CBL: variants seen among roughly 807,000 people sequenced by gnomAD.
CBL encodes the protein E3 ubiquitin-protein ligase CBL.
A neutral mutation model predicts 96.9 loss-of-function variants in CBL; 45 were observed. That is an observed-to-expected ratio of 0.46 (90% CI 0.37 to 0.60). The LOEUF (loss-of-function observed/expected upper bound fraction) is 0.60. Among genes scored for constraint, CBL ranks in the 20% least tolerant of loss-of-function variants. CBL has a pLI of 0.00. For synonymous variants in CBL, 420 were observed against 426.8 expected (o/e 0.98, Z 0.20); for missense variants, 1,024 against 1,143.5 (o/e 0.90, Z 1.51).
At chr11:119,234,088 C>T (rs1469473355) in intron 2 of CBL, among the ~76,000 whole-genome samples, 1 of 152,122 alleles carries the variant, frequency 6.6e-6, no homozygotes, top group Non-Finnish European at 1.5e-5. Context: ...CTCACCGCAA[C>T]CTCCGCCTCT....
intron 1 of CBL, among the ~76,000 whole-genome samples, chr11:119,224,440 C>G (rs1439499202): frequency 6.6e-6 from 1 of 151,992 alleles, no homozygotes; most frequent in Admixed American, 6.6e-5. Flanking sequence ...CTTTTGACTC[C>G]CTGCCAAAAG....
intron 12 of CBL, 136 bp downstream of exon 12, chr11:119,288,082 TTA>T: frequency 1.5e-6 from 1 of 681,394 alleles, no homozygotes; most frequent in East Asian, 2.7e-5. Flanking sequence ...TGATTATATT[TTA>T]TGTTTTAGAG....
Position 119,303,958 on chromosome 11 carries a change from C to T in CBL, c.*4177C>T, listed in dbSNP as rs886047792. On this transcript the variant is annotated 3_prime_UTR_variant, in exon 16 of 16. Coordinates refer to ENST00000264033, the MANE Select transcript of CBL (RefSeq NM_005188.4). ...ATTGGTTTTCCAGTCTTTCAACAAC[C>T]GTTGTGGCTAACTATGTTTTAGAAG... 22 of 233,516 alleles carry T rather than the reference C, an allele frequency of 9.4e-5. No homozygotes were observed. The highest frequency in any genetic ancestry group is 2.6e-4 in the African/African-American group (12 of 45,308). The allele number at this position is 233,516 out of a possible 1,614,324, so 14.5% of individuals were successfully genotyped here. A position where few individuals can be genotyped will look rare whatever the true frequency, so the allele number is the denominator to read the frequency against.
At chr11:119,227,374 AT>A (rs1247508774) in intron 1 of CBL, among the ~76,000 whole-genome samples, 1 of 152,144 alleles carries the variant, frequency 6.6e-6, no homozygotes, top group African/African-American at 2.4e-5. Flanking sequence ...TCCATTGTAA[AT>A]TGAGGAACAT....
chr11:119,227,484 T>C (rs957959265), intron 1 of CBL, among the ~76,000 whole-genome samples: 5 of 152,184 alleles, frequency 3.3e-5, no homozygotes, highest in Non-Finnish European at 5.9e-5. Flanking sequence ...AAAAGCCTTA[T>C]CTACTAGTCA....
rs1950101917 is a variant in CBL at position 119,301,552 on chromosome 11, G to C, written c.*1771G>C. On this transcript the variant is annotated 3_prime_UTR_variant, in exon 16 of 16. Coordinates refer to ENST00000264033, the MANE Select transcript of CBL (RefSeq NM_005188.4). ...TTTCTTTCCAGTCTAATCATCTTTG[G>C]AACTAAAACTTGTTCTAACTCGTCT... The C allele has an allele frequency of 4.3e-6, 1 of 233,110 alleles. No individual in the cohort carries two copies. The highest frequency in any genetic ancestry group is 2.2e-5 in the African/African-American group (1 of 45,316). 14.4% of individuals were successfully genotyped at this position (233,110 alleles called of 1,614,324 possible).
intron 9 of CBL, 66 bp from the exon 10 acceptor site, chr11:119,284,903 T>C (rs1949968369): frequency 6.3e-7 from 1 of 1,590,488 alleles, no homozygotes. Flanking sequence ...TCCACAGCTT[T>C]AGGAGAGTTG....
chr11:119,289,867 T>C (rs1372129983), intron 12 of CBL, among the ~76,000 whole-genome samples: 3 of 150,820 alleles, frequency 2.0e-5, no homozygotes, highest in African/African-American at 7.3e-5. Context: ...CTCAGTCTCC[T>C]GAGTAACTGG....
At chr11:119,274,059 T>C in intron 4 of CBL, 35 bp downstream of exon 4, 3 of 1,519,228 alleles carry the variant, frequency 2.0e-6, no homozygotes, top group Non-Finnish European at 1.8e-6. Context: ...AACTGGTTAC[T>C]GCTACTTCGG....
intron 6 of CBL, among the ~76,000 whole-genome samples, chr11:119,277,237 T>TCACACA (rs1478200397): frequency 1.7e-5 from 1 of 57,882 alleles, no homozygotes; most frequent in African/African-American, 1.0e-4. Flanking sequence ...TAAGAATCTG[T>TCACACA]CGCGCACACA....
chr11:119,261,121 C>T (rs1949750731), intron 2 of CBL, among the ~76,000 whole-genome samples: 3 of 151,620 alleles, frequency 2.0e-5, no homozygotes, highest in Admixed American at 2.0e-4. Flanking sequence ...GCCATGTTGG[C>T]CAGGCTGGTC....
chr11:119,219,334 T>C (rs1312973295), intron 1 of CBL, among the ~76,000 whole-genome samples: 2 of 149,410 alleles, frequency 1.3e-5, no homozygotes, highest in Non-Finnish European at 3.0e-5. Context: ...GCCGAGATAG[T>C]GTCATTGCAC....
At chr11:119,257,364 C>T (rs933959106) in intron 2 of CBL, among the ~76,000 whole-genome samples, 10 of 151,956 alleles carry the variant, frequency 6.6e-5, no homozygotes, top group Non-Finnish European at 1.5e-4. Context: ...TGATTAGTGA[C>T]GTTGATTATT....
At chr11:119,276,783 AAGG>A (rs1417910030) in intron 6 of CBL, among the ~76,000 whole-genome samples, 1 of 152,244 alleles carries the variant, frequency 6.6e-6, no homozygotes, top group Admixed American at 6.5e-5. Flanking sequence ...TTGGGACTGA[AAGG>A]AGTGCTGCCC....
rs759082853 is a variant in CBL, at chr11:119,273,888, G to C, written c.611G>C (p.Ser204Thr). ...FGEKTIVPWK[S>T]FRQALHEVHP... ...CCCAGGACAATAGTCCCTTGGAAGA[G>C]CTTTCGACAGGCTCTACATGAAGTG... The change falls in exon 4 of 16, where the codon AGC becomes ACC. Residue 204 changes from serine to threonine, a missense_variant. Ser to Thr is a moderately conservative substitution (Grantham distance 58). This residue lies in a region of CBL where 192 missense variants were observed against 321.8 expected (regional missense o/e 0.60). Transcript: ENST00000264033. The C allele has an allele frequency of 1.9e-6, 3 of 1,614,144 alleles. No homozygotes were observed. In the Admixed American group the frequency reaches 5.0e-5, roughly 27 times the overall value.
At position 119,300,878 on chromosome 11, in the gene CBL, A is replaced by G. The variant is rs1231742509; in HGVS notation, c.*1097A>G. 1 of 289,788 alleles carries G rather than the reference A, an allele frequency of 3.5e-6. No homozygotes were observed. Among genetic ancestry groups the G allele is most frequent in the Non-Finnish European group, 6.4e-6 (1 of 156,138 alleles). The allele number at this position is 289,788 out of a possible 1,614,324, so 18.0% of individuals were successfully genotyped here. A position where few individuals can be genotyped will look rare whatever the true frequency, so the allele number is the denominator to read the frequency against. On this transcript the variant is annotated 3_prime_UTR_variant, in exon 16 of 16. Coordinates refer to ENST00000264033, the MANE Select transcript of CBL (RefSeq NM_005188.4). The stretch of plus-strand genomic sequence containing the variant: ...GAAGCTTCGTTCACATGCTATTTAA[A>G]TGCACAAAATAGACAGTAAGGATTT...
At chr11:119,234,909 T>G (rs1296159128) in intron 2 of CBL, among the ~76,000 whole-genome samples, 1 of 152,236 alleles carries the variant, frequency 6.6e-6, no homozygotes, top group Non-Finnish European at 1.5e-5. Context: ...TCAAGAAAAG[T>G]CTTTTAACAC....
At chr11:119,235,466 G>A (rs977929271) in intron 2 of CBL, among the ~76,000 whole-genome samples, 1 of 152,118 alleles carries the variant, frequency 6.6e-6, no homozygotes, top group Non-Finnish European at 1.5e-5. Context: ...TTCAGTAAGT[G>A]GAAATGGATC....
At chr11:119,274,753 GTT>G (rs367590251) in intron 4 of CBL, 77 bp from the exon 5 acceptor site, 111 of 1,080,186 alleles carry the variant, frequency 1.0e-4, no homozygotes, top group Non-Finnish European at 1.1e-4. Context: ...AGTTGGTGTT[GTT>G]TTTTTTTTTT....
Sources: allele counts gnomAD v4.1 joint callset (sites outside exome capture counted in the v4.1 genomes callset), GRCh38; gene constraint gnomAD v4.1.1; regional missense constraint gnomAD v4.1.1; transcripts MANE v1.5; gene names NCBI Gene and HGNC (gene_info 2026-07-23, HGNC 2026-07-21).